HBS1L: variants seen among roughly 807,000 people sequenced by gnomAD.
HBS1L encodes the protein HBS1-like protein.
Under a neutral mutation model 88.9 loss-of-function variants are expected in HBS1L, and 55 were observed. That is an observed-to-expected ratio of 0.62 (90% CI 0.50 to 0.77). The LOEUF is 0.77. HBS1L is among the 30% of genes least tolerant of loss of function. The pLI is 0.00. For synonymous variants in HBS1L, 267 were observed against 288.5 expected, an observed-to-expected ratio of 0.93 and a Z score of 0.76; for missense variants, 741 against 829.3, an observed-to-expected ratio of 0.89 and a Z score of 1.31.
chr6:134,987,362 T>C (rs1439726253), intron 9 of HBS1L, among the ~76,000 whole-genome samples: 1 of 152,132 alleles, frequency 6.6e-6, no homozygotes, highest in African/African-American at 2.4e-5. Flanking sequence ...AATATAGGTT[T>C]ATTTCTGATT....
intron 4 of HBS1L, among the ~76,000 whole-genome samples, chr6:135,007,911 C>A (rs1363983655): frequency 6.6e-6 from 1 of 152,120 alleles, no homozygotes; most frequent in Non-Finnish European, 1.5e-5. Flanking sequence ...CTGGTCCCTG[C>A]CCTACCACTA....
At chr6:135,015,882 CTT>C (rs1174601694) in intron 4 of HBS1L, among the ~76,000 whole-genome samples, 12 of 116,908 alleles carry the variant, frequency 1.0e-4, no homozygotes, top group Admixed American at 4.6e-4. Context: ...CGAGCCCAGC[CTT>C]TTTTTTTTTT....
chr6:135,042,409 C>A (rs1297288832), intron 2 of HBS1L, among the ~76,000 whole-genome samples: 1 of 152,134 alleles, frequency 6.6e-6, no homozygotes. Flanking sequence ...CAAAATCTAC[C>A]TTTCCTAATA....
chr6:134,968,808 T>A (rs1397896673), intron 16 of HBS1L, among the ~76,000 whole-genome samples: 1 of 151,004 alleles, frequency 6.6e-6, no homozygotes, highest in Non-Finnish European at 1.5e-5. Context: ...CTACAGAGTG[T>A]ATAGATTATT....
At chr6:135,045,000 C>T (rs916204979) in intron 2 of HBS1L, among the ~76,000 whole-genome samples, 4 of 152,032 alleles carry the variant, frequency 2.6e-5, no homozygotes, top group African/African-American at 9.7e-5. Context: ...ATAACTCCAA[C>T]TCAAAAACCC....
intron 8 of HBS1L, among the ~76,000 whole-genome samples, chr6:134,992,389 T>C (rs1432648050): frequency 6.6e-6 from 1 of 152,168 alleles, no homozygotes; most frequent in Non-Finnish European, 1.5e-5. Context: ...GCACCATGCA[T>C]TACTCATGTA....
intron 4 of HBS1L, among the ~76,000 whole-genome samples, chr6:135,006,980 A>G (rs1775632302): frequency 6.6e-6 from 1 of 152,202 alleles, no homozygotes; most frequent in African/African-American, 2.4e-5. Flanking sequence ...TTCCTGTTAT[A>G]GTTCATCTTA....
chr6:134,985,950 C>T, intron 11 of HBS1L, 116 bp downstream of exon 11: 1 of 632,454 alleles, frequency 1.6e-6, no homozygotes, highest in Non-Finnish European at 2.8e-6. Flanking sequence ...AACTTAGTTC[C>T]TCCGACTACA....
intron 15 of HBS1L, 150 bp from the exon 16 acceptor site, chr6:134,969,488 A>C: frequency 1.6e-6 from 1 of 607,206 alleles, no homozygotes; most frequent in Non-Finnish European, 2.9e-6. Context: ...CCACCACTCT[A>C]ATCAGGTGGT....
At chr6:135,032,378 T>C (rs1013253107) in intron 4 of HBS1L, among the ~76,000 whole-genome samples, 2 of 152,270 alleles carry the variant, frequency 1.3e-5, no homozygotes, top group South Asian at 2.1e-4. Context: ...AAAATTAAAA[T>C]TGTATAACTG....
At chr6:134,988,370 A>G (rs930810016) in intron 8 of HBS1L, among the ~76,000 whole-genome samples, 6 of 152,040 alleles carry the variant, frequency 3.9e-5, no homozygotes, top group African/African-American at 1.4e-4. Context: ...CAAAAAAACA[A>G]AAAACAGTAG....
chr6:134,963,177 T>C lies in HBS1L; in HGVS notation c.*2102A>G, dbSNP rs759936924. On this transcript the variant is annotated 3_prime_UTR_variant, in exon 18 of 18. Coordinates refer to ENST00000367837, the MANE Select transcript of HBS1L (RefSeq NM_006620.4). Reference sequence around the variant, plus strand: ...TTCCCCTTCCTAACAGCACCCTGAATTTCCAACCCTCACACAACTGTTAGC... The same window carrying C: ...TTCCCCTTCCTAACAGCACCCTGAACTTCCAACCCTCACACAACTGTTAGC... 6.6e-6 allele frequency: 1 copy of C among 152,182 alleles called. No individual in the cohort carries two copies. Among genetic ancestry groups the C allele is most frequent in the Non-Finnish European group, 1.5e-5 (1 of 68,028 alleles). The allele number at this position is 152,182 out of a possible 1,614,324, so 9.4% of individuals were successfully genotyped here.
At chr6:134,982,428 G>A (rs374464447) in intron 13 of HBS1L, 30 bp downstream of exon 13, 93 of 1,394,224 alleles carry the variant, frequency 6.7e-5, no homozygotes, top group Non-Finnish European at 9.0e-5. Flanking sequence ...CTTAAGGCTT[G>A]TTTAGCAAAA....
At chr6:135,008,813 G>T (rs906769426) in intron 4 of HBS1L, among the ~76,000 whole-genome samples, 5 of 151,974 alleles carry the variant, frequency 3.3e-5, no homozygotes, top group Non-Finnish European at 7.4e-5. Flanking sequence ...GCTGTCAGGG[G>T]TCAGGAAGTG....
At chr6:135,009,285 C>A (rs1046330779) in intron 4 of HBS1L, among the ~76,000 whole-genome samples, 5 of 152,056 alleles carry the variant, frequency 3.3e-5, no homozygotes, top group African/African-American at 4.8e-5. Context: ...AAAGTGTATT[C>A]TACACTATTC....
intron 12 of HBS1L, among the ~76,000 whole-genome samples, chr6:134,984,568 G>C (rs2114779318): frequency 6.6e-6 from 1 of 152,286 alleles, no homozygotes; most frequent in East Asian, 1.9e-4. Flanking sequence ...TGCTGGCTCT[G>C]TGACAATGGA....
intron 4 of HBS1L, chr6:135,035,870 T>A (rs1776531368): frequency 1.3e-6 from 1 of 750,004 alleles, no homozygotes; most frequent in Non-Finnish European, 1.6e-6. Flanking sequence ...GAAAACACTT[T>A]TTATATATTT....
intron 4 of HBS1L, among the ~76,000 whole-genome samples, chr6:135,017,830 T>C (rs1213266956): frequency 1.3e-5 from 2 of 151,980 alleles, no homozygotes; most frequent in Non-Finnish European, 2.9e-5. Context: ...ATCTGAAAGA[T>C]TTCAAAATGG....
chr6:135,010,959 T>A (rs1207370088), intron 4 of HBS1L, among the ~76,000 whole-genome samples: 1 of 152,138 alleles, frequency 6.6e-6, no homozygotes, highest in African/African-American at 2.4e-5. Context: ...TATGGAAAAA[T>A]ATATAGGAAT....
Sources: gnomAD v4.1 joint callset for allele counts (sites outside exome capture counted in the v4.1 genomes callset) on GRCh38, gnomAD v4.1.1 for gene constraint, MANE v1.5 for transcripts, NCBI Gene and HGNC (gene_info 2026-07-23, HGNC 2026-07-21) for gene names.